CACNA2D3: variants seen among roughly 807,000 people sequenced by gnomAD.
CACNA2D3 encodes the protein calcium voltage-gated channel auxiliary subunit alpha2delta 3.
A neutral mutation model predicts 160.6 loss-of-function variants in CACNA2D3; 60 were observed. That is an observed-to-expected ratio of 0.37 (90% CI 0.30 to 0.46). The LOEUF (loss-of-function observed/expected upper bound fraction) is 0.46, where lower values mean the gene tolerates loss of function less well. Among genes scored for constraint, CACNA2D3 ranks in the 20% least tolerant of loss-of-function variants. CACNA2D3 has a pLI of 1.00. For synonymous variants in CACNA2D3, 558 were observed against 492.9 expected, an observed-to-expected ratio of 1.13 and a Z score of -1.75; for missense variants, 1,205 against 1,365.0, an observed-to-expected ratio of 0.88 and a Z score of 1.85.
chr3:54,223,126 C>T (rs1477484085), intron 2 of CACNA2D3, among the ~76,000 whole-genome samples: 9 of 152,110 alleles, frequency 5.9e-5, no homozygotes, highest in Non-Finnish European at 1.0e-4. Context: ...GCATATTTAA[C>T]TAGTTTAAGG....
At chr3:54,174,587 C>T (rs1024417328) in intron 2 of CACNA2D3, among the ~76,000 whole-genome samples, 17 of 140,960 alleles carry the variant, frequency 1.2e-4, no homozygotes, top group South Asian at 4.5e-4. Context: ...TGCAGTGGCG[C>T]GATCTCAGCT....
intron 35 of CACNA2D3, among the ~76,000 whole-genome samples, chr3:55,029,601 C>G (rs358056): frequency 2.8e-4 from 42 of 151,908 alleles, no homozygotes; most frequent in East Asian, 2.5e-3. Flanking sequence ...AGACTGTCCT[C>G]GATAAAATAG....
intron 3 of CACNA2D3, among the ~76,000 whole-genome samples, chr3:54,334,886 C>A (rs1041533439): frequency 6.6e-6 from 1 of 152,198 alleles, no homozygotes; most frequent in Admixed American, 6.5e-5. Context: ...CAGCTCAGAT[C>A]CTGTCCTAGT....
At chr3:54,683,257 G>T (rs970503727) in intron 11 of CACNA2D3, among the ~76,000 whole-genome samples, 2 of 152,212 alleles carry the variant, frequency 1.3e-5, no homozygotes, top group African/African-American at 4.8e-5. Context: ...GCTCCCCACA[G>T]ATAGAGGTGT....
At chr3:54,283,637 AAT>A (rs1491296350) in intron 2 of CACNA2D3, among the ~76,000 whole-genome samples, 1 of 152,196 alleles carries the variant, frequency 6.6e-6, no homozygotes, top group Non-Finnish European at 1.5e-5. Context: ...AAGCAAGTGC[AAT>A]GTGTGTGTGT....
intron 11 of CACNA2D3, among the ~76,000 whole-genome samples, chr3:54,667,787 A>C: frequency 6.6e-6 from 1 of 151,952 alleles, no homozygotes; most frequent in Non-Finnish European, 1.5e-5. Flanking sequence ...CCTAAAAATA[A>C]TTTTTTTTAA....
chr3:55,036,875 C>G (rs1275684653), intron 35 of CACNA2D3, among the ~76,000 whole-genome samples: 1 of 152,054 alleles, frequency 6.6e-6, no homozygotes, highest in Non-Finnish European at 1.5e-5. Context: ...AGCAGTAGTT[C>G]CTAAACACAT....
intron 5 of CACNA2D3, among the ~76,000 whole-genome samples, chr3:54,511,075 T>C (rs1198633986): frequency 1.3e-5 from 2 of 152,178 alleles, no homozygotes; most frequent in Non-Finnish European, 2.9e-5. Context: ...GATTCCAGAC[T>C]CTCTGAAGAC....
At position 54,698,465 on chromosome 3, in the gene CACNA2D3, T is replaced by C. The variant is rs569618652; in HGVS notation, c.1168-54134T>C. ...GCCAGTCCTGTTTTTAAAACTTGCCTTAGGAAAACATAAGGCGTGTTTAAT... is the reference window on the plus strand; with the variant it reads ...GCCAGTCCTGTTTTTAAAACTTGCCCTAGGAAAACATAAGGCGTGTTTAAT... On this transcript the variant is annotated intron_variant, in intron 11 of 37. Transcript: ENST00000474759. Among the ~76,000 whole-genome samples the C allele has an allele frequency of 5.3e-5, 8 of 152,354 alleles. No individual in the cohort carries two copies. In the South Asian group the frequency reaches 1.7e-3, roughly 32 times the overall value.
Position 55,018,245 on chromosome 3 carries a change from A to C in CACNA2D3, c.2915A>C (p.Glu972Ala). The C allele has an allele frequency of 6.2e-7, 1 of 1,613,356 alleles. No individual in the cohort carries two copies. Among genetic ancestry groups the C allele is most frequent in the Non-Finnish European group, 8.5e-7 (1 of 1,179,554 alleles). ...LKQTLEPCDT[E>A]YPAFVSERTI... ...CAGACCCTGGAGCCTTGTGATACTG[A>C]ATATCCAGCATTCGTCTCTGAGCGC... Residue 972 changes from glutamate (E) to alanine (A), a missense_variant, in exon 35 of 38, where the codon GAA (glutamate) becomes GCA (alanine). Coordinates refer to ENST00000474759, the MANE Select transcript of CACNA2D3 (RefSeq NM_018398.3).
chr3:54,743,814 T>G (rs910916963), intron 11 of CACNA2D3, among the ~76,000 whole-genome samples: 30 of 152,174 alleles, frequency 2.0e-4, no homozygotes, highest in Non-Finnish European at 4.0e-4. Context: ...GCCATAAAAA[T>G]CCTAGGCCAT....
At chr3:54,678,966 T>C (rs1164074137) in intron 11 of CACNA2D3, among the ~76,000 whole-genome samples, 2 of 152,070 alleles carry the variant, frequency 1.3e-5, no homozygotes, top group Admixed American at 6.6e-5. Context: ...CAGGAATAGG[T>C]TTCTTCTTTG....
At chr3:54,737,224 G>A (rs754459170) in intron 11 of CACNA2D3, among the ~76,000 whole-genome samples, 15 of 149,914 alleles carry the variant, frequency 1.0e-4, no homozygotes, top group Non-Finnish European at 1.9e-4. Flanking sequence ...GTGTGTGTAG[G>A]GAACAGAATA....
rs189614968 is a variant in CACNA2D3, at chr3:54,378,056, G to T, written c.322-8659G>T. Among the ~76,000 whole-genome samples, 544 of 152,236 alleles carry T rather than the reference G, an allele frequency of 3.6e-3. 3 individuals carry two copies. The highest frequency in any genetic ancestry group is 0.013 in the African/African-American group (523 of 41,530). On this transcript the variant is annotated intron_variant, in intron 3 of 37. Coordinates refer to ENST00000474759, the MANE Select transcript of CACNA2D3 (RefSeq NM_018398.3). ...CACCTTCTGAGTAAGCCCTGGAAAC[G>T]TATAATTAAGGGCTGGAACAGAATT...
At chr3:54,875,373 C>A (rs1699635557) in intron 18 of CACNA2D3, 1 of 152,184 alleles carries the variant, frequency 6.6e-6, no homozygotes, top group African/African-American at 2.4e-5. Flanking sequence ...CCTGTTTATC[C>A]ACTGTGTCTC....
intron 13 of CACNA2D3, among the ~76,000 whole-genome samples, chr3:54,775,045 A>AGG (rs1702401671): frequency 5.9e-5 from 9 of 152,192 alleles, no homozygotes; most frequent in Non-Finnish European, 2.9e-5. Context: ...CTTTCATTAC[A>AGG]TTTATAAACC....
intron 2 of CACNA2D3, among the ~76,000 whole-genome samples, chr3:54,250,187 A>AT (rs1702160345): frequency 6.6e-6 from 1 of 152,114 alleles, no homozygotes; most frequent in South Asian, 2.1e-4. Flanking sequence ...CAAAATCCTG[A>AT]TTTTGTGGTC....
chr3:54,295,545 G>A (rs1222206802), intron 2 of CACNA2D3, among the ~76,000 whole-genome samples: 3 of 152,200 alleles, frequency 2.0e-5, no homozygotes, highest in Admixed American at 2.0e-4. Context: ...ACAACTCAAA[G>A]TGAGGAGGAG....
In CACNA2D3 at chr3:54,692,417, C is replaced by T. The variant is rs555072686; in HGVS notation, c.1167+50176C>T. ...CACATCCTCTCTCCTTAGTCCACCACATTTCTGGATGCTGTGCCTGCAGAG... is the reference window on the plus strand; with the variant it reads ...CACATCCTCTCTCCTTAGTCCACCATATTTCTGGATGCTGTGCCTGCAGAG... On this transcript the variant is annotated intron_variant, in intron 11 of 37. Transcript: ENST00000474759. Among the ~76,000 whole-genome samples the T allele has an allele frequency of 3.9e-5, 6 of 152,360 alleles. No individual in the cohort carries two copies. In the South Asian group the frequency reaches 1.2e-3, roughly 32 times the overall value.
Sources: allele counts gnomAD v4.1 joint callset (sites outside exome capture counted in the v4.1 genomes callset), GRCh38; gene constraint gnomAD v4.1.1; transcripts MANE v1.5; gene names NCBI Gene and HGNC (gene_info 2026-07-23, HGNC 2026-07-21).